The following PACSIN2 variants were observed in gnomAD, a reference collection of about 807,000 sequenced individuals.
The protein encoded by PACSIN2 is protein kinase C and casein kinase substrate in neurons 2.
PACSIN2 carries 25 observed loss-of-function variants against 63.8 expected under a neutral mutation model. That is an observed-to-expected ratio of 0.39 (90% CI 0.29 to 0.55). The LOEUF is 0.55. PACSIN2 is among the 20% of genes least tolerant of loss of function. PACSIN2 has a pLI of 0.62. For synonymous variants in PACSIN2, 255 were observed against 256.2 expected, an observed-to-expected ratio of 1.00 and a Z score of 0.05; for missense variants, 518 against 646.9, an observed-to-expected ratio of 0.80 and a Z score of 2.16.
At chr22:42,892,334 T>C (rs1250928879) in intron 3 of PACSIN2, among the ~76,000 whole-genome samples, 1 of 152,048 alleles carries the variant, frequency 6.6e-6, no homozygotes, top group East Asian at 1.9e-4. Flanking sequence ...GAGGGCAGGC[T>C]GTGAGAACCC....
At chr22:42,944,593 T>C (rs1324437190) in intron 1 of PACSIN2, among the ~76,000 whole-genome samples, 2 of 152,154 alleles carry the variant, frequency 1.3e-5, no homozygotes, top group Non-Finnish European at 2.9e-5. Context: ...AAAAAATAGC[T>C]TGGACAAAAT....
chr22:42,929,501 T>TG (rs1231819256), intron 1 of PACSIN2, among the ~76,000 whole-genome samples: 1 of 152,118 alleles, frequency 6.6e-6, no homozygotes, highest in Non-Finnish European at 1.5e-5. Flanking sequence ...TCAGTGGGAG[T>TG]GGCGTGCCTA....
intron 5 of PACSIN2, among the ~76,000 whole-genome samples, chr22:42,888,438 C>T (rs1929649174): frequency 6.6e-6 from 1 of 152,178 alleles, no homozygotes. Context: ...TGGCTCTGTC[C>T]CTTGACTGAG....
At chr22:42,887,220 G>C (rs539051587) in intron 5 of PACSIN2, among the ~76,000 whole-genome samples, 2 of 152,216 alleles carry the variant, frequency 1.3e-5, no homozygotes, top group African/African-American at 4.8e-5. Flanking sequence ...GGGTTTCCCA[G>C]AGGATTCTGA....
chr22:42,870,241 G>A lies in PACSIN2; in HGVS notation c.*1116C>T, dbSNP rs753086. 0.17 allele frequency: 26,539 copies of A among 152,130 alleles called. 3,678 individuals are homozygous for A. Among genetic ancestry groups the A allele is most frequent in the East Asian group, 0.56 (2,869 of 5,164 alleles). The allele number at this position is 152,130 out of a possible 1,614,324, so 9.4% of individuals were successfully genotyped here. On this transcript the variant is annotated 3_prime_UTR_variant, in exon 11 of 11. Transcript: ENST00000263246. Reference sequence around the variant, plus strand: ...CTGCTACGGAGCCAGGACAAAGGCCGGTCAGAAGCCGGACCAGCAGTCAGC... The same window carrying A: ...CTGCTACGGAGCCAGGACAAAGGCCAGTCAGAAGCCGGACCAGCAGTCAGC...
intron 8 of PACSIN2, among the ~76,000 whole-genome samples, 165 bp downstream of exon 8, chr22:42,878,883 G>A (rs9611952): frequency 0.44 from 65,508 of 149,968 alleles, 14,702 homozygotes; most frequent in Non-Finnish European, 0.48. Context: ...ACAGAGCTCA[G>A]GAGCCCAGGA....
At chr22:42,955,412 AGCTC>A in intron 1 of PACSIN2, among the ~76,000 whole-genome samples, 1 of 152,156 alleles carries the variant, frequency 6.6e-6, no homozygotes, top group East Asian at 1.9e-4. Flanking sequence ...ATAAGCCCAG[AGCTC>A]ACTCAGGTGC....
intron 2 of PACSIN2, among the ~76,000 whole-genome samples, chr22:42,908,755 T>C (rs990137919): frequency 1.3e-5 from 2 of 152,154 alleles, no homozygotes; most frequent in Non-Finnish European, 2.9e-5. Context: ...AAGACCACAC[T>C]CATTCAGGCT....
chr22:42,900,672 C>T (rs1930623624), intron 2 of PACSIN2, among the ~76,000 whole-genome samples: 1 of 152,250 alleles, frequency 6.6e-6, no homozygotes. Flanking sequence ...CAGGTTCTTA[C>T]TATGTTGCCA....
intron 4 of PACSIN2, among the ~76,000 whole-genome samples, chr22:42,889,063 T>C (rs1299330148): frequency 6.6e-6 from 1 of 152,202 alleles, no homozygotes; most frequent in Non-Finnish European, 1.5e-5. Flanking sequence ...TCATTTGAGT[T>C]GCAGGAGGCA....
chr22:42,943,831 T>G (rs1190949104), intron 1 of PACSIN2, among the ~76,000 whole-genome samples: 5 of 152,178 alleles, frequency 3.3e-5, no homozygotes, highest in Admixed American at 3.3e-4. Context: ...AAAACATGAA[T>G]GTGTCCAAAA....
intron 1 of PACSIN2, among the ~76,000 whole-genome samples, chr22:42,922,132 G>C (rs1031371650): frequency 6.6e-6 from 1 of 152,190 alleles, no homozygotes; most frequent in African/African-American, 2.4e-5. Context: ...ACTTCTGCCA[G>C]CAATGTATGT....
intron 1 of PACSIN2, among the ~76,000 whole-genome samples, chr22:42,947,825 T>C (rs1933497455): frequency 1.3e-5 from 2 of 152,164 alleles, no homozygotes; most frequent in East Asian, 3.8e-4. Flanking sequence ...GCACAGTGCC[T>C]GGAGTATGGG....
chr22:43,012,618 C>T (rs1475817167), intron 1 of PACSIN2, among the ~76,000 whole-genome samples: 1 of 151,744 alleles, frequency 6.6e-6, no homozygotes, highest in African/African-American at 2.4e-5. Context: ...GTAGCTGAGG[C>T]TGAGATTACA....
intron 1 of PACSIN2, among the ~76,000 whole-genome samples, chr22:42,951,315 G>A (rs568759983): frequency 1.1e-4 from 16 of 152,158 alleles, no homozygotes; most frequent in Admixed American, 3.3e-4. Context: ...CACCCAATTG[G>A]TGCCCTTATC....
intron 1 of PACSIN2, among the ~76,000 whole-genome samples, chr22:42,932,704 G>A (rs1262580604): frequency 6.6e-6 from 1 of 151,196 alleles, no homozygotes; most frequent in East Asian, 1.9e-4. Context: ...AATGTTTATT[G>A]AGCTGAGAGC....
chr22:42,908,187 C>G lies in PACSIN2; in HGVS notation c.60+3834G>C, dbSNP rs1931215210. ...AAGATCTGAGCTCTAAATGCACAGA[C>G]AGCTGACAGCTGTGCAGAAATCCCG... On this transcript the variant is annotated intron_variant, in intron 2 of 10. Transcript: ENST00000263246. 3.9e-5 allele frequency among the ~76,000 whole-genome samples: 6 copies of G among 152,248 alleles called. No homozygotes were observed. The South Asian group carries it at 1.2e-3, about 31-fold the overall frequency.
chr22:42,891,276 C>T (rs566734537), intron 3 of PACSIN2, 94 bp from the exon 4 acceptor site: 4 of 740,312 alleles, frequency 5.4e-6, no homozygotes, highest in South Asian at 5.1e-5. Flanking sequence ...GCCATTTAGA[C>T]CACAGAGGGT....
intron 1 of PACSIN2, among the ~76,000 whole-genome samples, chr22:42,997,320 A>T (rs1266700550): frequency 6.6e-6 from 1 of 152,244 alleles, no homozygotes; most frequent in East Asian, 1.9e-4. Flanking sequence ...GGACTTTGGG[A>T]GGCAGAGGCG....
Sources: gnomAD v4.1 joint callset for allele counts (sites outside exome capture counted in the v4.1 genomes callset) on GRCh38, gnomAD v4.1.1 for gene constraint, MANE v1.5 for transcripts, NCBI Gene and HGNC (gene_info 2026-07-23, HGNC 2026-07-21) for gene names.